The following LRRC40 variants were observed in gnomAD, a reference collection of about 807,000 sequenced individuals.
LRRC40 encodes leucine-rich repeat-containing protein 40.
LRRC40 carries 76 observed loss-of-function variants against 72.8 expected under a neutral mutation model. The ratio of observed to expected loss-of-function variants is 1.04; its 90% CI spans 0.87 to 1.26. The LOEUF (loss-of-function observed/expected upper bound fraction) is 1.26. Ranked by LOEUF, LRRC40 falls within the 50% of genes most tolerant of loss-of-function variation. LRRC40 has a pLI of 0.00. For missense variants in LRRC40, 684 were observed against 698.9 expected, an observed-to-expected ratio of 0.98 and a Z score of 0.24; for synonymous variants, 243 against 254.2, an observed-to-expected ratio of 0.96 and a Z score of 0.42.
chr1:70,195,387 A>T (rs549736509), intron 1 of LRRC40, among the ~76,000 whole-genome samples: 1 of 152,120 alleles, frequency 6.6e-6, no homozygotes, highest in Non-Finnish European at 1.5e-5. Context: ...AAAAAAAGAC[A>T]AAAGTTGGAA....
At chr1:70,154,920 A>G (rs924629078) in intron 11 of LRRC40, among the ~76,000 whole-genome samples, 1 of 152,290 alleles carries the variant, frequency 6.6e-6, no homozygotes, top group South Asian at 2.1e-4. Flanking sequence ...TCCAAAAACT[A>G]TACAGCAGGT....
chr1:70,192,278 T>C (rs895511102), intron 1 of LRRC40, among the ~76,000 whole-genome samples: 2 of 152,062 alleles, frequency 1.3e-5, no homozygotes, highest in African/African-American at 4.8e-5. Flanking sequence ...TTGGCTGTTG[T>C]TGGTTTATAG....
chr1:70,192,031 T>C (rs113017678), intron 1 of LRRC40, among the ~76,000 whole-genome samples: 4 of 152,320 alleles, frequency 2.6e-5, no homozygotes, highest in African/African-American at 4.8e-5. Flanking sequence ...TTGGTAGGAA[T>C]AGCACTGAAT....
intron 9 of LRRC40, among the ~76,000 whole-genome samples, chr1:70,168,352 G>T (rs1010041263): frequency 6.6e-6 from 1 of 152,200 alleles, no homozygotes; most frequent in Non-Finnish European, 1.5e-5. Context: ...TTCAAAGAAA[G>T]GAGAGGCAAA....
chr1:70,153,627 A>G (rs1201902626), intron 11 of LRRC40, among the ~76,000 whole-genome samples: 1 of 152,194 alleles, frequency 6.6e-6, no homozygotes, highest in Non-Finnish European at 1.5e-5. Flanking sequence ...ATACAGTTAA[A>G]TTACATTTTT....
At chr1:70,166,424 G>A (rs1667880727) in intron 9 of LRRC40, among the ~76,000 whole-genome samples, 1 of 152,088 alleles carries the variant, frequency 6.6e-6, no homozygotes, top group Non-Finnish European at 1.5e-5. Flanking sequence ...ACTTTGGGAG[G>A]TGAGGCAGGA....
intron 9 of LRRC40, among the ~76,000 whole-genome samples, chr1:70,162,915 T>C (rs1478069466): frequency 6.6e-6 from 1 of 152,204 alleles, no homozygotes; most frequent in Non-Finnish European, 1.5e-5. Flanking sequence ...GCCCAATTTA[T>C]GAGTTTTCTA....
At chr1:70,157,856 C>G (rs1243019079) in intron 10 of LRRC40, among the ~76,000 whole-genome samples, 1 of 152,014 alleles carries the variant, frequency 6.6e-6, no homozygotes, top group African/African-American at 2.4e-5. Context: ...GTAATCCCAG[C>G]ACTTTGAGAA....
intron 9 of LRRC40, among the ~76,000 whole-genome samples, chr1:70,164,686 T>C (rs570684395): frequency 2.6e-5 from 4 of 152,214 alleles, no homozygotes; most frequent in Non-Finnish European, 5.9e-5. Context: ...CAACTTGAGA[T>C]GCTCTTCTTA....
rs375220435 is a variant in LRRC40, at chr1:70,165,781, T to C, written c.1112-6343A>G. 7.9e-5 allele frequency among the ~76,000 whole-genome samples: 12 copies of C among 152,300 alleles called. No individual in the cohort carries two copies. The East Asian group carries it at 9.7e-4, about 12-fold the overall frequency. On this transcript the variant is annotated intron_variant, in intron 9 of 14. Transcript: ENST00000370952. ...TCCACTCTAACTACTGTTTAAATAC[T>C]TAGGCCCCATTACCCCAAAATCCAG...
intron 7 of LRRC40, 97 bp downstream of exon 7, chr1:70,175,713 G>T: frequency 2.3e-6 from 2 of 877,854 alleles, no homozygotes; most frequent in South Asian, 1.9e-5. Flanking sequence ...ATTCAATTTA[G>T]AAAAAAGGAA....
At chr1:70,179,108 A>T in intron 5 of LRRC40, 115 bp from the exon 6 acceptor site, 1 of 482,434 alleles carries the variant, frequency 2.1e-6, no homozygotes, top group Non-Finnish European at 3.6e-6. Flanking sequence ...AACCTGTGCC[A>T]TATAATCAAG....
Position 70,151,147 on chromosome 1 carries a change from T to C in LRRC40, c.1498A>G (p.Ile500Val), listed in dbSNP as rs3180401. 0.014 allele frequency: 21,852 copies of C among 1,571,956 alleles called. 205 individuals carry two copies. The highest frequency in any genetic ancestry group is 0.017 in the Non-Finnish European group (19,680 of 1,143,552). Reference sequence around the variant, plus strand: ...TCTTACCTATTAAAGGAAAGATTGATCGTTTGCAGTCTTACCAGTGATTCC... The same window carrying C: ...TCTTACCTATTAAAGGAAAGATTGACCGTTTGCAGTCTTACCAGTGATTCC... Reference protein sequence around the residue: ...EMESLVRLQTINLSFNRFKML... With the variant: ...EMESLVRLQTVNLSFNRFKML... The change falls in exon 13 of 15, where the codon ATC (isoleucine) becomes GTC (valine). Residue 500 changes from isoleucine (I) to valine (V), a missense_variant. Physicochemically the swap from Ile to Val is conservative, Grantham distance 29 (BLOSUM62 3). Coordinates refer to ENST00000370952, the MANE Select transcript of LRRC40 (RefSeq NM_017768.5).
intron 1 of LRRC40, among the ~76,000 whole-genome samples, chr1:70,200,813 A>T (rs77902159): frequency 6.6e-6 from 1 of 152,164 alleles, no homozygotes; most frequent in African/African-American, 2.4e-5. Flanking sequence ...GAGAGAGAGA[A>T]AAAAAGAGAG....
intron 1 of LRRC40, among the ~76,000 whole-genome samples, chr1:70,196,356 C>T (rs888517750): frequency 6.6e-6 from 1 of 152,038 alleles, no homozygotes; most frequent in Non-Finnish European, 1.5e-5. Context: ...TTGAGACCAA[C>T]CTGGGAAAAA....
chr1:70,145,852 A>T lies in LRRC40; in HGVS notation c.1757T>A (p.Met586Lys), dbSNP rs143190968. ...PFRVPRAAIL[M>K]KGTAAILEYL... ...TTCAAGTATAGCAGCTGTTCCTTTCATTAATATGGCTGCTCGAGGAACTCG... is the reference window on the plus strand; with the variant it reads ...TTCAAGTATAGCAGCTGTTCCTTTCTTTAATATGGCTGCTCGAGGAACTCG... The change falls in exon 15 of 15, where the codon ATG becomes AAG. Residue 586 changes from methionine to lysine, a missense_variant. Met to Lys is a moderately conservative substitution (Grantham distance 95). Coordinates refer to ENST00000370952, the MANE Select transcript of LRRC40 (RefSeq NM_017768.5). The T allele has an allele frequency of 1.2e-6, 2 of 1,611,002 alleles. No individual in the cohort carries two copies. Among genetic ancestry groups the T allele is most frequent in the Non-Finnish European group, 1.7e-6 (2 of 1,177,744 alleles).
At chr1:70,165,087 TAAC>T (rs1667852806) in intron 9 of LRRC40, among the ~76,000 whole-genome samples, 2 of 152,204 alleles carry the variant, frequency 1.3e-5, no homozygotes, top group Non-Finnish European at 2.9e-5. Flanking sequence ...AGGCTCAACA[TAAC>T]AACACATCAA....
intron 5 of LRRC40, among the ~76,000 whole-genome samples, chr1:70,179,365 T>C (rs1668191928): frequency 6.6e-6 from 1 of 152,124 alleles, no homozygotes; most frequent in African/African-American, 2.4e-5. Context: ...TGCATGCCTG[T>C]AGTCCCAGCT....
chr1:70,193,028 T>C (rs1205129550), intron 1 of LRRC40, among the ~76,000 whole-genome samples: 1 of 152,068 alleles, frequency 6.6e-6, no homozygotes, highest in Non-Finnish European at 1.5e-5. Context: ...CTAGTTTTAA[T>C]AATTATCAGC....
Sources: allele counts gnomAD v4.1 joint callset (sites outside exome capture counted in the v4.1 genomes callset), GRCh38; gene constraint gnomAD v4.1.1; transcripts MANE v1.5; gene names NCBI Gene and HGNC (gene_info 2026-07-23, HGNC 2026-07-21).